The following STK3 variants were observed in gnomAD, a reference collection of about 807,000 sequenced individuals.
STK3 encodes serine/threonine kinase 3.
A neutral mutation model predicts 58.0 loss-of-function variants in STK3; 41 were observed. The observed-to-expected ratio is 0.71, with a 90% confidence interval of 0.55 to 0.92. The LOEUF is 0.92. STK3 is among the 40% of genes least tolerant of loss of function. The pLI, the probability that STK3 is intolerant of heterozygous loss-of-function variation, is 0.00. For synonymous variants in STK3, 170 were observed against 191.0 expected (o/e 0.89, Z 0.91); for missense variants, 479 against 602.7 (o/e 0.79, Z 2.15).
At chr8:98,695,709 TCTGTTTTGGTACCAGTACCATG>T (rs1270732410) in intron 6 of STK3, among the ~76,000 whole-genome samples, 71 of 152,248 alleles carry the variant, frequency 4.7e-4, no homozygotes, top group East Asian at 1.7e-3. Flanking sequence ...GATCTATATC[TCTGTTTTGGTACCAGTACCATG>T]CTGTTTTGGT....
At chr8:98,489,332 C>T (rs1822519113) in intron 10 of STK3, among the ~76,000 whole-genome samples, 1 of 152,058 alleles carries the variant, frequency 6.6e-6, no homozygotes, top group Non-Finnish European at 1.5e-5. Context: ...CTTCCCAGCC[C>T]AATGTCAGGA....
intron 1 of STK3, among the ~76,000 whole-genome samples, chr8:98,781,703 A>T (rs1442253936): frequency 6.6e-6 from 1 of 152,192 alleles, no homozygotes; most frequent in East Asian, 1.9e-4. Flanking sequence ...CCACAAGACA[A>T]CTTGCTTAAC....
intron 1 of STK3, among the ~76,000 whole-genome samples, chr8:98,811,923 C>T (rs1443671859): frequency 7.9e-5 from 12 of 152,224 alleles, no homozygotes; most frequent in African/African-American, 2.9e-4. Context: ...AATTCTCCTG[C>T]CTCAGCCTCC....
intron 1 of STK3, among the ~76,000 whole-genome samples, chr8:98,890,355 C>G (rs1838149942): frequency 6.6e-6 from 1 of 152,192 alleles, no homozygotes; most frequent in Admixed American, 6.5e-5. Flanking sequence ...GTCTTCGTAG[C>G]CTAAGACAGG....
chr8:98,710,847 TG>T (rs1826358393), intron 4 of STK3, among the ~76,000 whole-genome samples: 2 of 152,164 alleles, frequency 1.3e-5, no homozygotes, highest in Non-Finnish European at 2.9e-5. Flanking sequence ...CCTCCTCAAG[TG>T]GGTCACTGAC....
intron 10 of STK3, among the ~76,000 whole-genome samples, chr8:98,510,559 T>C (rs1373707747): frequency 1.3e-5 from 2 of 152,054 alleles, no homozygotes; most frequent in Admixed American, 1.3e-4. Context: ...CTATTAATAA[T>C]TTCTATAAAA....
At chr8:98,424,070 C>T (rs1818203234) in intron 3 of STK3, among the ~76,000 whole-genome samples, 1 of 152,218 alleles carries the variant, frequency 6.6e-6, no homozygotes, top group Non-Finnish European at 1.5e-5. Context: ...GCCAGCTTCC[C>T]CGGTATGGAA....
the STK3 span, among the ~76,000 whole-genome samples, chr8:98,346,672 A>T: frequency 2.0e-5 from 3 of 152,060 alleles, no homozygotes; most frequent in East Asian, 5.8e-4. Flanking sequence ...CAAGTGAGAC[A>T]GTTGTATCAA....
intron 3 of STK3, among the ~76,000 whole-genome samples, chr8:98,869,083 G>C (rs1564072446): frequency 7.0e-6 from 1 of 142,214 alleles, no homozygotes; most frequent in African/African-American, 2.8e-5. Context: ...AGGAAGGAAG[G>C]AGAGAAAGAG....
At chr8:98,720,643 C>T (rs957882314) in intron 4 of STK3, among the ~76,000 whole-genome samples, 1 of 149,520 alleles carries the variant, frequency 6.7e-6, no homozygotes, top group East Asian at 2.0e-4. Flanking sequence ...CCCGGCTGCT[C>T]GGGAGGCTGA....
intron 6 of STK3, among the ~76,000 whole-genome samples, chr8:98,643,361 T>C (rs541055377): frequency 1.3e-5 from 2 of 152,316 alleles, no homozygotes; most frequent in South Asian, 2.1e-4. Context: ...CACTGGCCTC[T>C]GGTTAAGAAT....
At chr8:98,814,379 C>T (rs536841787) in intron 1 of STK3, among the ~76,000 whole-genome samples, 10 of 148,384 alleles carry the variant, frequency 6.7e-5, no homozygotes, top group East Asian at 4.0e-4. Flanking sequence ...GTCACCCAAG[C>T]GCAGTCCAAG....
At chr8:98,412,720 G>A (rs1487713487) in intron 3 of STK3, among the ~76,000 whole-genome samples, 4 of 152,164 alleles carry the variant, frequency 2.6e-5, no homozygotes, top group African/African-American at 4.8e-5. Flanking sequence ...TGATTTTCAG[G>A]TTATAAATGC....
chr8:98,907,022 G>A (rs951671120), intron 1 of STK3, among the ~76,000 whole-genome samples: 1 of 146,984 alleles, frequency 6.8e-6, no homozygotes, highest in Non-Finnish European at 1.5e-5. Context: ...GCCAGGCATG[G>A]TGGTATGCAC....
downstream of STK3, among the ~76,000 whole-genome samples, chr8:98,370,003 G>A (rs1817595353): frequency 6.6e-6 from 1 of 151,980 alleles, no homozygotes; most frequent in Non-Finnish European, 1.5e-5. Flanking sequence ...GTGAGCCCAG[G>A]CATTCTCACC....
intron 6 of STK3, chr8:98,598,625 T>C (rs1816034114): frequency 2.0e-6 from 2 of 985,236 alleles, no homozygotes. Flanking sequence ...GATTAGGTAT[T>C]AGGCCCCTTC....
intron 3 of STK3, among the ~76,000 whole-genome samples, chr8:98,873,083 C>G (rs1837438897): frequency 6.6e-6 from 1 of 152,074 alleles, no homozygotes. Context: ...TTTCTGCCTT[C>G]ATTTCATTAT....
intron 7 of STK3, among the ~76,000 whole-genome samples, chr8:98,591,758 T>C (rs982488685): frequency 6.6e-6 from 1 of 152,128 alleles, no homozygotes; most frequent in Non-Finnish European, 1.5e-5. Flanking sequence ...AAAAGCAGGG[T>C]TGTGGTAAAT....
intron 3 of STK3, among the ~76,000 whole-genome samples, chr8:98,839,903 T>C (rs1291255405): frequency 6.6e-6 from 1 of 152,182 alleles, no homozygotes; most frequent in East Asian, 1.9e-4. Flanking sequence ...TATAATCAGT[T>C]GTTATAAAAT....
Sources: gnomAD v4.1 joint callset for allele counts (sites outside exome capture counted in the v4.1 genomes callset) on GRCh38, gnomAD v4.1.1 for gene constraint, MANE v1.5 for transcripts, NCBI Gene and HGNC (gene_info 2026-07-23, HGNC 2026-07-21) for gene names.